The following SLC30A8 variants were observed in gnomAD, a reference collection of about 807,000 sequenced individuals.
SLC30A8 encodes the protein proton-coupled zinc antiporter SLC30A8.
Under a neutral mutation model 36.9 loss-of-function variants are expected in SLC30A8, and 27 were observed. The observed-to-expected ratio is 0.73, with a 90% CI of 0.54 to 1.01. The LOEUF is 1.01. Ranked by LOEUF, SLC30A8 falls within the 50% of genes least tolerant of loss-of-function variation. SLC30A8 has a pLI of 0.00. For missense variants in SLC30A8, 439 were observed against 452.0 expected (o/e 0.97, Z 0.26); for synonymous variants, 164 against 172.4 (o/e 0.95, Z 0.38).
chr8:117,068,825 A>G (rs1023906917), intron 2 of SLC30A8, among the ~76,000 whole-genome samples: 2 of 152,026 alleles, frequency 1.3e-5, no homozygotes, highest in African/African-American at 4.8e-5. Flanking sequence ...GATCCGCTCA[A>G]CTTGGCCTCT....
chr8:117,115,163 C>T (rs1214030265), intron 2 of SLC30A8, among the ~76,000 whole-genome samples: 2 of 152,148 alleles, frequency 1.3e-5, no homozygotes, highest in African/African-American at 4.8e-5. Context: ...TGGTCTTGAA[C>T]TCCTGGTCTC....
intron 1 of SLC30A8, among the ~76,000 whole-genome samples, chr8:116,974,776 T>A (rs1814924955): frequency 6.6e-6 from 1 of 151,820 alleles, no homozygotes; most frequent in Non-Finnish European, 1.5e-5. Flanking sequence ...AACAGAGACG[T>A]AGAACCAACC....
At chr8:117,088,850 A>G (rs1432183717) in intron 2 of SLC30A8, among the ~76,000 whole-genome samples, 1 of 152,210 alleles carries the variant, frequency 6.6e-6, no homozygotes, top group Non-Finnish European at 1.5e-5. Flanking sequence ...GTTGGTTGGT[A>G]GGTGGATCCT....
intron 1 of SLC30A8, among the ~76,000 whole-genome samples, chr8:116,984,599 A>G (rs1354293439): frequency 1.3e-5 from 2 of 152,170 alleles, no homozygotes; most frequent in Admixed American, 6.5e-5. Flanking sequence ...TATCCTCTTC[A>G]GTAAAATGTC....
At position 117,113,534 on chromosome 8, in the gene SLC30A8, C is replaced by T. The variant is rs1820320498; in HGVS notation, c.-225-21746C>T. On this transcript the variant is annotated intron_variant, in intron 2 of 10. Coordinates refer to the SLC30A8 transcript ENST00000427715. ...TTGGAGAAGCTTCTGTATACTAAGC[C>T]TGGCTGCATTGCCCAGGAACTGGAA... 2.0e-5 allele frequency among the ~76,000 whole-genome samples: 3 copies of T among 152,100 alleles called. No individual in the cohort carries two copies. In the South Asian group the frequency reaches 6.2e-4, roughly 32 times the overall value.
intron 2 of SLC30A8, among the ~76,000 whole-genome samples, chr8:117,113,054 A>G (rs944006192): frequency 6.6e-6 from 1 of 152,184 alleles, no homozygotes; most frequent in Non-Finnish European, 1.5e-5. Context: ...GATGGTAGCC[A>G]TAGTCACTGC....
At chr8:116,959,327 A>T (rs1207356932) in intron 1 of SLC30A8, among the ~76,000 whole-genome samples, 1 of 152,118 alleles carries the variant, frequency 6.6e-6, no homozygotes, top group Non-Finnish European at 1.5e-5. Context: ...CATATCTTCC[A>T]TGTTTCCACT....
At chr8:117,077,408 A>T (rs2130807011) in intron 2 of SLC30A8, among the ~76,000 whole-genome samples, 1 of 152,354 alleles carries the variant, frequency 6.6e-6, no homozygotes, top group South Asian at 2.1e-4. Flanking sequence ...TCTAATCAAT[A>T]AAACAAGGTA....
chr8:116,985,107 C>CT (rs764095675), intron 1 of SLC30A8, among the ~76,000 whole-genome samples: 4 of 152,002 alleles, frequency 2.6e-5, no homozygotes, highest in South Asian at 4.2e-4. Flanking sequence ...AGATACAAGA[C>CT]TTTTTTACTA....
chr8:116,973,593 T>C (rs997889148), intron 1 of SLC30A8, among the ~76,000 whole-genome samples: 3 of 152,128 alleles, frequency 2.0e-5, no homozygotes, highest in South Asian at 2.1e-4. Flanking sequence ...GAATCAATAT[T>C]GTGAAAATAG....
At chr8:117,123,520 G>T (rs1334744316) in intron 2 of SLC30A8, among the ~76,000 whole-genome samples, 1 of 151,992 alleles carries the variant, frequency 6.6e-6, no homozygotes, top group Non-Finnish European at 1.5e-5. Flanking sequence ...ATAAAAGTTT[G>T]TGAGATACTT....
chr8:117,015,956 G>A (rs142360975), intron 1 of SLC30A8, among the ~76,000 whole-genome samples: 158 of 152,258 alleles, frequency 1.0e-3, no homozygotes, highest in African/African-American at 3.7e-3. Context: ...ACAAATGACA[G>A]GTGTGTCTAA....
chr8:117,066,465 C>G (rs1362934168), intron 2 of SLC30A8, among the ~76,000 whole-genome samples: 1 of 152,114 alleles, frequency 6.6e-6, no homozygotes, highest in Non-Finnish European at 1.5e-5. Context: ...TTGTTTATAC[C>G]ACCCAACCTC....
At chr8:117,119,922 G>C (rs1233400312) in intron 2 of SLC30A8, among the ~76,000 whole-genome samples, 2 of 151,814 alleles carry the variant, frequency 1.3e-5, no homozygotes, top group Admixed American at 6.6e-5. Flanking sequence ...GAATAAACCA[G>C]AGGTAAAAGA....
At chr8:117,163,600 C>A in intron 6 of SLC30A8, 70 bp downstream of exon 6, 2 of 1,115,644 alleles carry the variant, frequency 1.8e-6, no homozygotes, top group Non-Finnish European at 2.6e-6. Flanking sequence ...AAGGGAATGG[C>A]TACAAGGCAT....
intron 2 of SLC30A8, among the ~76,000 whole-genome samples, chr8:117,110,316 C>T (rs1407862800): frequency 6.6e-6 from 1 of 151,822 alleles, no homozygotes; most frequent in Admixed American, 6.6e-5. Context: ...TGCTTTCTGT[C>T]ACTTTGTCAT....
chr8:117,007,528 T>C (rs1816221889), intron 1 of SLC30A8, among the ~76,000 whole-genome samples: 1 of 152,226 alleles, frequency 6.6e-6, no homozygotes, highest in Non-Finnish European at 1.5e-5. Flanking sequence ...ACAAATGTGT[T>C]TTCCTTCTGA....
chr8:117,088,507 C>T (rs1286760288), intron 2 of SLC30A8, among the ~76,000 whole-genome samples: 1 of 152,136 alleles, frequency 6.6e-6, no homozygotes, highest in Admixed American at 6.5e-5. Context: ...ATCACTGCCT[C>T]TCAAGTTCCG....
chr8:116,953,986 C>A (rs1258779318), intron 1 of SLC30A8, among the ~76,000 whole-genome samples: 1 of 151,958 alleles, frequency 6.6e-6, no homozygotes, highest in Non-Finnish European at 1.5e-5. Flanking sequence ...TTAGGGCCAG[C>A]AAATAGGTCA....
Sources: gnomAD v4.1 joint callset for allele counts (sites outside exome capture counted in the v4.1 genomes callset) on GRCh38, gnomAD v4.1.1 for gene constraint, MANE v1.5 for transcripts, NCBI Gene and HGNC (gene_info 2026-07-23, HGNC 2026-07-21) for gene names.